Variants in SRP72 observed in about 807,000 individuals in gnomAD.
The protein encoded by SRP72 is signal recognition particle subunit SRP72.
SRP72 carries 49 observed loss-of-function variants against 96.3 expected under a neutral mutation model. That is an observed-to-expected ratio of 0.51 (90% CI 0.40 to 0.65). The LOEUF is 0.65. Among genes scored for constraint, SRP72 ranks in the 30% least tolerant of loss-of-function variants. The probability of loss-of-function intolerance (pLI) is 0.00; values close to 1 mark genes in which losing one functional copy is unlikely to be tolerated. For synonymous variants in SRP72, 267 were observed against 275.2 expected (o/e 0.97, Z 0.30); for missense variants, 736 against 793.3 (o/e 0.93, Z 0.87).
chr4:56,496,848 C>A (rs1233666252), intron 17 of SRP72, among the ~76,000 whole-genome samples: 3 of 152,026 alleles, frequency 2.0e-5, no homozygotes, highest in Non-Finnish European at 4.4e-5. Flanking sequence ...ATTAGCCGAG[C>A]AGTACTCATG....
intron 8 of SRP72, among the ~76,000 whole-genome samples, chr4:56,482,012 C>A (rs1720511673): frequency 6.6e-6 from 1 of 151,602 alleles, no homozygotes; most frequent in Non-Finnish European, 1.5e-5. Context: ...GATCCACCCA[C>A]CTCTGCCTTC....
intron 17 of SRP72, among the ~76,000 whole-genome samples, chr4:56,499,799 CAG>C (rs1721195967): frequency 6.6e-6 from 1 of 152,162 alleles, no homozygotes; most frequent in African/African-American, 2.4e-5. Context: ...TTGTGGAAGA[CAG>C]TGTGGCAATT....
At chr4:56,487,326 A>G (rs763697087) in intron 11 of SRP72, among the ~76,000 whole-genome samples, 6 of 152,068 alleles carry the variant, frequency 3.9e-5, no homozygotes, top group African/African-American at 7.2e-5. Flanking sequence ...CTCTTATCCA[A>G]TTCTCACATT....
chr4:56,498,673 T>C (rs1190129866), intron 17 of SRP72, among the ~76,000 whole-genome samples: 1 of 152,102 alleles, frequency 6.6e-6, no homozygotes, highest in African/African-American at 2.4e-5. Context: ...CGTTCACAAT[T>C]GCTACAAAAG....
chr4:56,478,479 T>A lies in SRP72; in HGVS notation c.743T>A (p.Leu248His). ...GGTCGAACAGAGGAGGCTTTGCAAC[T>A]TTACAATCAAATAATAAAACTAAAG... ...LQGRTEEALQLYNQIIKLKPT... is the reference protein window; with the variant it reads ...LQGRTEEALQHYNQIIKLKPT... Residue 248 changes from leucine (L) to histidine (H), a missense_variant, in exon 7 of 19, where the codon CTT (leucine) becomes CAT (histidine). Transcript: ENST00000642900. 6.2e-7 allele frequency: 1 copy of A among 1,614,046 alleles called. No individual in the cohort carries two copies. Among genetic ancestry groups the A allele is most frequent in the Non-Finnish European group, 8.5e-7 (1 of 1,179,994 alleles).
At chr4:56,476,048 T>C (rs1720207032) in intron 5 of SRP72, 1 of 152,434 alleles carries the variant, frequency 6.6e-6, no homozygotes, top group Non-Finnish European at 1.5e-5. Flanking sequence ...ATCCACAGGA[T>C]ATTGAATGGG....
intron 12 of SRP72, chr4:56,489,183 T>C (rs1178267255): frequency 7.3e-6 from 3 of 413,554 alleles, no homozygotes; most frequent in South Asian, 7.6e-5. Flanking sequence ...TTTACAGATA[T>C]CTACCTTCAT....
intron 17 of SRP72, among the ~76,000 whole-genome samples, chr4:56,499,013 C>A (rs1721171282): frequency 6.6e-6 from 1 of 152,170 alleles, no homozygotes; most frequent in Admixed American, 6.5e-5. Flanking sequence ...TGACTTCAAA[C>A]TATTGTTACA....
rs1406329989 is a variant in SRP72 at position 56,503,524 on chromosome 4, C to A, written c.*1663C>A. The stretch of plus-strand genomic sequence containing the variant: ...AATGAAGTATAAACACATGAACTTT[C>A]TAGAAATATTTCCTCTTTTGGATAG... On this transcript the variant is annotated 3_prime_UTR_variant, in exon 19 of 19. Coordinates refer to ENST00000642900, the MANE Select transcript of SRP72 (RefSeq NM_006947.4). 1 of 152,178 alleles carries A rather than the reference C, an allele frequency of 6.6e-6. No homozygotes were observed. The highest frequency in any genetic ancestry group is 1.5e-5 in the Non-Finnish European group (1 of 68,038). 9.4% of individuals were successfully genotyped at this position (152,178 alleles called of 1,614,324 possible). A position where few individuals can be genotyped will look rare whatever the true frequency, so the allele number is the denominator to read the frequency against.
Position 56,502,511 on chromosome 4 carries a change from A to C in SRP72, c.*650A>C, listed in dbSNP as rs1721302749. ...TATATATATACATATATATATATAT[A>C]TAAACATGAAATATATATATATGGC... is the stretch of plus-strand genomic sequence containing the variant. On this transcript the variant is annotated 3_prime_UTR_variant, in exon 19 of 19. Transcript: ENST00000642900. The C allele has an allele frequency of 6.9e-6, 1 of 144,386 alleles. No individual in the cohort carries two copies. Among genetic ancestry groups the C allele is most frequent in the African/African-American group, 2.5e-5 (1 of 39,320 alleles). 8.9% of individuals were successfully genotyped at this position (144,386 alleles called of 1,614,324 possible).
intron 2 of SRP72, among the ~76,000 whole-genome samples, chr4:56,470,833 T>G (rs955559330): frequency 9.6e-4 from 146 of 151,464 alleles, no homozygotes; most frequent in African/African-American, 3.0e-3. Flanking sequence ...TAAAAGTTTT[T>G]TTTTTTTTTT....
At chr4:56,469,126 A>G (rs1719864651) in intron 1 of SRP72, among the ~76,000 whole-genome samples, 2 of 152,198 alleles carry the variant, frequency 1.3e-5, no homozygotes, top group Non-Finnish European at 2.9e-5. Flanking sequence ...TATTCATTTC[A>G]TATTGTCAGT....
chr4:56,484,680 A>G, intron 9 of SRP72, 56 bp from the exon 10 acceptor site: 1 of 1,601,318 alleles, frequency 6.2e-7, no homozygotes, highest in Non-Finnish European at 8.5e-7. Flanking sequence ...CTGGTCATTT[A>G]GTGTTTAATT....
At position 56,471,720 on chromosome 4, in the gene SRP72, T is replaced by A. The variant is rs1249063701; in HGVS notation, c.231T>A (p.Asn77Lys). The A allele has an allele frequency of 3.1e-6, 5 of 1,611,030 alleles. No individual in the cohort carries two copies. The highest frequency in any genetic ancestry group is 4.2e-6 in the Non-Finnish European group (5 of 1,179,048). ...VINTHTKVLA[N>K]NSLSFEKAYC... ...ATACTGTTTTTTTTTCCTTCTTCAGTAACTCTCTCTCCTTTGAAAAGGCAT... is the reference window on the plus strand; with the variant it reads ...ATACTGTTTTTTTTTCCTTCTTCAGAAACTCTCTCTCCTTTGAAAAGGCAT... The change falls in exon 3 of 19, where the codon AAT becomes AAA. Residue 77 changes from asparagine to lysine, a missense_variant and splice_region_variant. Transcript: ENST00000642900.
chr4:56,482,379 C>T (rs1236533307), intron 8 of SRP72, among the ~76,000 whole-genome samples: 2 of 151,140 alleles, frequency 1.3e-5, no homozygotes, highest in African/African-American at 2.4e-5. Flanking sequence ...ACCCGTGAGG[C>T]GGAGCTGGTA....
intron 3 of SRP72, 23 bp from the exon 4 acceptor site, chr4:56,474,031 T>C: frequency 6.3e-7 from 1 of 1,598,060 alleles, no homozygotes; most frequent in Non-Finnish European, 8.5e-7. Flanking sequence ...TCTCTGATTT[T>C]TTACTTGCTA....
intron 8 of SRP72, among the ~76,000 whole-genome samples, chr4:56,481,067 C>T (rs575472176): frequency 2.0e-5 from 3 of 152,258 alleles, no homozygotes; most frequent in South Asian, 4.1e-4. Flanking sequence ...CTGGCAGTGA[C>T]GTGCACAATT....
intron 8 of SRP72, among the ~76,000 whole-genome samples, chr4:56,480,824 C>A (rs1426970595): frequency 6.6e-6 from 1 of 152,042 alleles, no homozygotes; most frequent in Non-Finnish European, 1.5e-5. Context: ...ATATTTAATA[C>A]TACATTTGGT....
intron 5 of SRP72, chr4:56,475,960 A>G (rs1423644465): frequency 2.0e-5 from 3 of 152,246 alleles, no homozygotes; most frequent in Non-Finnish European, 2.9e-5. Context: ...CCATAATCAC[A>G]AAGTAATTAC....
Sources: gnomAD v4.1 joint callset for allele counts (sites outside exome capture counted in the v4.1 genomes callset) on GRCh38, gnomAD v4.1.1 for gene constraint, MANE v1.5 for transcripts, NCBI Gene and HGNC (gene_info 2026-07-23, HGNC 2026-07-21) for gene names.